XPO1: variants seen among roughly 807,000 people sequenced by gnomAD.
XPO1 encodes exportin 1.
A neutral mutation model predicts 133.3 loss-of-function variants in XPO1; 5 were observed. That is an observed-to-expected ratio of 0.04 (90% CI 0.02 to 0.08). The LOEUF is 0.08. XPO1 is among the 10% of genes least tolerant of loss of function. The probability of loss-of-function intolerance (pLI) is 1.00; values close to 1 mark genes in which losing one functional copy is unlikely to be tolerated. For missense variants in XPO1, 506 were observed against 1,267.5 expected, an observed-to-expected ratio of 0.40 and a Z score of 9.12; for synonymous variants, 419 against 408.2, an observed-to-expected ratio of 1.03 and a Z score of -0.32.
intron 6 of XPO1, among the ~76,000 whole-genome samples, chr2:61,500,712 T>C (rs1697470893): frequency 1.3e-5 from 2 of 151,852 alleles, no homozygotes; most frequent in African/African-American, 2.4e-5. Context: ...GGCAGGAGAA[T>C]TGCTTGAACC....
rs1011807122 is a variant in XPO1 at position 61,482,608 on chromosome 2, T to G, written c.2813-69A>C. The G allele has an allele frequency of 5.4e-4, 694 of 1,286,786 alleles. 2 individuals carry two copies. In the African/African-American group the frequency reaches 0.014, roughly 25 times the overall value. The allele number at this position is 1,286,786 out of a possible 1,614,324, so 79.7% of individuals were successfully genotyped here. On this transcript the variant is annotated intron_variant, in intron 22 of 24. Transcript: ENST00000401558. Reference sequence around the variant, plus strand: ...CTATAGATCTTAGCGTTTTTTTTTGTTTTGTTTTTTTTTTTTAGACGGAGT... The same window carrying G: ...CTATAGATCTTAGCGTTTTTTTTTGGTTTGTTTTTTTTTTTTAGACGGAGT...
intron 19 of XPO1, among the ~76,000 whole-genome samples, chr2:61,487,772 A>G (rs1159245021): frequency 6.6e-6 from 1 of 152,222 alleles, no homozygotes; most frequent in African/African-American, 2.4e-5. Flanking sequence ...CAGGCCTTTA[A>G]TCTGGGAAGC....
At chr2:61,484,152 G>T in intron 20 of XPO1, 47 bp from the exon 21 acceptor site, 1 of 1,520,398 alleles carries the variant, frequency 6.6e-7, no homozygotes, top group African/African-American at 1.4e-5. Context: ...TGTCTTTGTT[G>T]TGCTAGACAG....
At chr2:61,507,470 C>T (rs1697885179) in intron 4 of XPO1, among the ~76,000 whole-genome samples, 2 of 151,910 alleles carry the variant, frequency 1.3e-5, no homozygotes, top group African/African-American at 4.8e-5. Flanking sequence ...GCTACTTGGG[C>T]TGTGGCAGAA....
intron 4 of XPO1, among the ~76,000 whole-genome samples, chr2:61,517,451 G>A (rs1698450110): frequency 6.6e-6 from 1 of 152,186 alleles, no homozygotes; most frequent in African/African-American, 2.4e-5. Context: ...TGGGTGTGGT[G>A]GCACATGCCT....
chr2:61,502,360 C>A (rs765514150), intron 4 of XPO1, 50 bp from the exon 5 acceptor site: 2 of 1,537,006 alleles, frequency 1.3e-6, no homozygotes, highest in Non-Finnish European at 1.8e-6. Flanking sequence ...TCTTTTGTAG[C>A]ATGCAAATAA....
chr2:61,478,032 GA>G lies in XPO1; in HGVS notation c.*787del, dbSNP rs1265458806. On this transcript the variant is annotated 3_prime_UTR_variant, in exon 25 of 25. Coordinates refer to ENST00000401558, the MANE Select transcript of XPO1 (RefSeq NM_003400.4). ...TTAGTATAAGTCATCTCAAAAGCCA[GA>G]GTTGTTTTGTTTTTTAATGAGTTGT... 1.3e-5 allele frequency: 3 copies of G among 232,710 alleles called. No individual in the cohort carries two copies. The highest frequency in any genetic ancestry group is 2.6e-5 in the Non-Finnish European group (3 of 117,512). 14.4% of individuals were successfully genotyped at this position (232,710 alleles called of 1,614,324 possible). A position where few individuals can be genotyped will look rare whatever the true frequency, so the allele number is the denominator to read the frequency against.
In XPO1 at chr2:61,533,806, A is replaced by G; in HGVS notation, c.92T>C (p.Val31Ala). The G allele has an allele frequency of 6.2e-7, 1 of 1,608,564 alleles. No homozygotes were observed. Among genetic ancestry groups the G allele is most frequent in the Non-Finnish European group, 8.5e-7 (1 of 1,177,994 alleles). The change falls in exon 2 of 25, where the codon GTG becomes GCG. Residue 31 changes from valine to alanine, a missense_variant. Transcript: ENST00000401558. ...QKLDINLLDN[V>A]VNCLYHGEGA... ...TTCTCCATGGTATAAGCAATTCACC[A>G]CATTATCTAATAAGTTGATATCCAG...
intron 4 of XPO1, among the ~76,000 whole-genome samples, chr2:61,508,528 G>A (rs1697935400): frequency 6.6e-6 from 1 of 152,116 alleles, no homozygotes; most frequent in Non-Finnish European, 1.5e-5. Context: ...CTAAAAAGAT[G>A]AGATTTAAAT....
At chr2:61,525,706 C>T (rs1698881121) in intron 3 of XPO1, 1 of 1,026,796 alleles carries the variant, frequency 9.7e-7, no homozygotes, top group Non-Finnish European at 1.2e-6. Context: ...CTAAAATTTA[C>T]AAGATGTCAA....
chr2:61,483,292 A>G (rs549034414), intron 21 of XPO1: 19 of 528,260 alleles, frequency 3.6e-5, no homozygotes, highest in African/African-American at 1.9e-4. Flanking sequence ...ATAAATTATA[A>G]TAAGTTGTGT....
intron 16 of XPO1, 148 bp downstream of exon 16, chr2:61,491,887 A>C (rs1472520056): frequency 3.0e-6 from 3 of 989,230 alleles, no homozygotes; most frequent in Non-Finnish European, 4.4e-6. Context: ...GCAACAGAGT[A>C]AGACCCTGTC....
At chr2:61,530,273 T>C (rs187056677) in intron 2 of XPO1, among the ~76,000 whole-genome samples, 7 of 152,328 alleles carry the variant, frequency 4.6e-5, no homozygotes, top group Non-Finnish European at 1.0e-4. Context: ...TATTCTTTCC[T>C]GTTAGTTGTA....
At chr2:61,502,961 TTTTC>T (rs1697609543) in intron 4 of XPO1, among the ~76,000 whole-genome samples, 1 of 86,840 alleles carries the variant, frequency 1.2e-5, no homozygotes, top group African/African-American at 5.9e-5. Flanking sequence ...CATGTGTTTC[TTTTC>T]TTTTTTTTTT....
chr2:61,497,881 T>C (rs1212335280), intron 9 of XPO1, among the ~76,000 whole-genome samples: 1 of 152,234 alleles, frequency 6.6e-6, no homozygotes, highest in East Asian at 1.9e-4. Flanking sequence ...TGTAGGACTG[T>C]TGACAATAGA....
At chr2:61,497,093 T>G in intron 9 of XPO1, 86 bp from the exon 10 acceptor site, 1 of 1,487,246 alleles carries the variant, frequency 6.7e-7, no homozygotes, top group Non-Finnish European at 8.9e-7. Flanking sequence ...GAAAAAGGCT[T>G]TAACAATTAA....
chr2:61,483,735 C>A, intron 21 of XPO1: 1 of 550,582 alleles, frequency 1.8e-6, no homozygotes, highest in Non-Finnish European at 3.1e-6. Context: ...GGCCGCTCTC[C>A]CCATAACTCA....
intron 11 of XPO1, among the ~76,000 whole-genome samples, chr2:61,495,160 T>A (rs78327407): frequency 0.011 from 1,617 of 152,210 alleles, 27 homozygotes; most frequent in African/African-American, 0.037. Flanking sequence ...TGCATGTTAT[T>A]TGAATTAAAA....
At chr2:61,526,307 C>T in intron 3 of XPO1, 113 bp downstream of exon 3, 1 of 1,448,642 alleles carries the variant, frequency 6.9e-7, no homozygotes, top group Non-Finnish European at 9.0e-7. Context: ...AACAAATTAA[C>T]AATATAAAAT....
Sources: gnomAD v4.1 joint callset for allele counts (sites outside exome capture counted in the v4.1 genomes callset) on GRCh38, gnomAD v4.1.1 for gene constraint, MANE v1.5 for transcripts, NCBI Gene and HGNC (gene_info 2026-07-23, HGNC 2026-07-21) for gene names.